Variants in TRIM33 observed in about 807,000 individuals in gnomAD.
The protein encoded by TRIM33 is E3 ubiquitin-protein ligase TRIM33.
A neutral mutation model predicts 125.4 loss-of-function variants in TRIM33; 20 were observed. The observed-to-expected ratio is 0.16, with a 90% CI of 0.11 to 0.23. The LOEUF (loss-of-function observed/expected upper bound fraction) is 0.23, where lower values mean the gene tolerates loss of function less well. Ranked by LOEUF, TRIM33 falls within the 10% of genes least tolerant of loss-of-function variation. The probability of loss-of-function intolerance (pLI) is 1.00; values close to 1 mark genes in which losing one functional copy is unlikely to be tolerated. For missense variants in TRIM33, 920 were observed against 1,411.4 expected, an observed-to-expected ratio of 0.65 and a Z score of 5.58; for synonymous variants, 564 against 513.9, an observed-to-expected ratio of 1.10 and a Z score of -1.32.
intron 11 of TRIM33, 55 bp from the exon 12 acceptor site, chr1:114,410,371 T>C (rs1652510668): frequency 6.5e-7 from 1 of 1,539,952 alleles, no homozygotes; most frequent in Non-Finnish European, 8.8e-7. Context: ...GAGAAGTTAT[T>C]AATTTTATGT....
chr1:114,396,561 C>CAT lies in TRIM33; in HGVS notation c.*1085_*1086dup. On this transcript the variant is annotated 3_prime_UTR_variant, in exon 20 of 20. Transcript: ENST00000358465. ...GAATGTGAACATTAGAAATAGACAG[C>CAT]ATATATTACAAATCCATTCTTGATA... is the stretch of plus-strand genomic sequence containing the variant. 1 of 198,340 alleles carries CAT rather than the reference C, an allele frequency of 5.0e-6. No homozygotes were observed. Among genetic ancestry groups the CAT allele is most frequent in the East Asian group, 7.8e-5 (1 of 12,778 alleles). 12.3% of individuals were successfully genotyped at this position (198,340 alleles called of 1,614,324 possible). A position where few individuals can be genotyped will look rare whatever the true frequency, so the allele number is the denominator to read the frequency against.
chr1:114,396,010 T>C lies in TRIM33; in HGVS notation c.*1638A>G, dbSNP rs1309461776. ...TTACGTGAAATAATTTTCTGAGTAG[T>C]CTACTCTCTGAACTGCTTAAATGAA... On this transcript the variant is annotated 3_prime_UTR_variant, in exon 20 of 20. Coordinates refer to ENST00000358465, the MANE Select transcript of TRIM33 (RefSeq NM_015906.4). The C allele has an allele frequency of 5.1e-6, 1 of 196,204 alleles. No homozygotes were observed. Among genetic ancestry groups the C allele is most frequent in the Non-Finnish European group, 1.1e-5 (1 of 94,490 alleles). The allele number at this position is 196,204 out of a possible 1,614,324, so 12.2% of individuals were successfully genotyped here. A position where few individuals can be genotyped will look rare whatever the true frequency, so the allele number is the denominator to read the frequency against.
chr1:114,402,661 T>C (rs1572008041), intron 16 of TRIM33, 99 bp downstream of exon 16: 1 of 1,332,110 alleles, frequency 7.5e-7, no homozygotes, highest in African/African-American at 1.5e-5. Flanking sequence ...AAATTAAATG[T>C]TATCAGGTTT....
chr1:114,430,192 T>C (rs1019401615), intron 6 of TRIM33, among the ~76,000 whole-genome samples: 31 of 151,968 alleles, frequency 2.0e-4, no homozygotes, highest in African/African-American at 7.5e-4. Flanking sequence ...AGAAATGTGG[T>C]GGGACTACTT....
At chr1:114,417,815 T>G (rs1653031693) in intron 11 of TRIM33, among the ~76,000 whole-genome samples, 1 of 152,058 alleles carries the variant, frequency 6.6e-6, no homozygotes, top group Non-Finnish European at 1.5e-5. Context: ...TGCACCACCA[T>G]GCCCGGCTAA....
At chr1:114,484,621 G>A (rs917579537) in intron 1 of TRIM33, among the ~76,000 whole-genome samples, 1 of 152,178 alleles carries the variant, frequency 6.6e-6, no homozygotes, top group African/African-American at 2.4e-5. Context: ...CTAGCACTTT[G>A]GGAGGCCGAG....
chr1:114,510,577 C>A lies in TRIM33; in HGVS notation c.500G>T (p.Gly167Val). The A allele has an allele frequency of 6.6e-7, 1 of 1,525,002 alleles. No individual in the cohort carries two copies. The highest frequency in any genetic ancestry group is 1.2e-5 in the South Asian group (1 of 82,382). The allele number at this position is 1,525,002 out of a possible 1,614,324, so 94.5% of individuals were successfully genotyped here. A position where few individuals can be genotyped will look rare whatever the true frequency, so the allele number is the denominator to read the frequency against. Residue 167 changes from glycine (G) to valine (V), a missense_variant, in exon 1 of 20, where the codon GGG (glycine) becomes GTG (valine). Around this residue, in one of 8 missense-constraint regions of TRIM33, gnomAD observed 75 missense variants for 123.9 expected, o/e 0.61. Transcript: ENST00000358465. ...TTGCTGGATGTCGCCGTTGCTGCCC[C>A]CCGGGATGGGCACGCTGAGCTGGCG... ...PERQLSVPIP[G>V]GSNGDIQQVG...
At chr1:114,442,094 A>C (rs1201597399) in intron 4 of TRIM33, among the ~76,000 whole-genome samples, 1 of 152,226 alleles carries the variant, frequency 6.6e-6, no homozygotes, top group Non-Finnish European at 1.5e-5. Context: ...AGGACAGAGC[A>C]CATTTTTTCA....
At chr1:114,454,262 C>T (rs545821313) in intron 4 of TRIM33, among the ~76,000 whole-genome samples, 3 of 152,128 alleles carry the variant, frequency 2.0e-5, no homozygotes, top group African/African-American at 7.2e-5. Flanking sequence ...GATGGGTACC[C>T]AGTCATGGTA....
chr1:114,436,400 CAAAAAAAAAA>C (rs765728045), intron 4 of TRIM33, among the ~76,000 whole-genome samples: 22 of 40,858 alleles, frequency 5.4e-4, no homozygotes, highest in Non-Finnish European at 8.7e-4. Context: ...GACTCTGTCT[CAAAAAAAAAA>C]AAAAAAAAAA....
Position 114,510,883 on chromosome 1 carries a change from C to A in TRIM33, c.194G>T (p.Gly65Val), listed in dbSNP as rs956535181. Residue 65 changes from glycine to valine, a missense_variant, in exon 1 of 20, where the codon GGG becomes GTG. This residue lies in a region of TRIM33 where 233 missense variants were observed against 189.6 expected (regional missense o/e 1.23). Coordinates refer to ENST00000358465, the MANE Select transcript of TRIM33 (RefSeq NM_015906.4). ...AEGGAAGPDD[G>V]GVAAASSGSA... The stretch of plus-strand genomic sequence containing the variant: ...GCCCGAGGAGGCCGCGGCCACCCCC[C>A]CGTCGTCGGGCCCGGCCGCGCCGCC... The A allele has an allele frequency of 2.8e-6, 4 of 1,450,898 alleles. No individual in the cohort carries two copies. Among genetic ancestry groups the A allele is most frequent in the South Asian group, 1.4e-5 (1 of 73,586 alleles). The allele number at this position is 1,450,898 out of a possible 1,614,324, so 89.9% of individuals were successfully genotyped here.
intron 15 of TRIM33, among the ~76,000 whole-genome samples, chr1:114,403,777 T>C (rs1417059151): frequency 6.6e-6 from 1 of 152,112 alleles, no homozygotes; most frequent in Non-Finnish European, 1.5e-5. Flanking sequence ...CTGCCTACCT[T>C]GGCCTCCCAA....
chr1:114,502,884 C>G (rs1442556092), intron 1 of TRIM33, among the ~76,000 whole-genome samples: 2 of 152,070 alleles, frequency 1.3e-5, no homozygotes, highest in African/African-American at 2.4e-5. Flanking sequence ...TAAAGAGTGT[C>G]ATTGTGATAC....
intron 4 of TRIM33, among the ~76,000 whole-genome samples, chr1:114,445,142 G>T (rs1351494174): frequency 1.3e-5 from 2 of 152,088 alleles, no homozygotes. Flanking sequence ...GAGAGGGAGA[G>T]AATAAATTCA....
chr1:114,406,424 G>T (rs892729910), intron 14 of TRIM33, among the ~76,000 whole-genome samples: 4 of 152,154 alleles, frequency 2.6e-5, no homozygotes, highest in Non-Finnish European at 5.9e-5. Context: ...TAAACCAAGA[G>T]GGGCTTGGCC....
chr1:114,408,681 C>A lies in TRIM33; in HGVS notation c.2254G>T (p.Gly752Cys). The change falls in exon 13 of 20, where the codon GGC becomes TGC. Residue 752 changes from glycine (G) to cysteine (C), a missense_variant. Transcript: ENST00000358465. Reference protein sequence around the residue: ...PPSTSSTGSRGSCGSSGRTAE... With the variant: ...PPSTSSTGSRCSCGSSGRTAE... Reference sequence around the variant, plus strand: ...AATAATTATCAATATACTCACCTGCCTCGACTGCCAGTACTAGAAGTACTT... The same window carrying A: ...AATAATTATCAATATACTCACCTGCATCGACTGCCAGTACTAGAAGTACTT... 6.3e-7 allele frequency: 1 copy of A among 1,596,130 alleles called. No individual in the cohort carries two copies. Among genetic ancestry groups the A allele is most frequent in the South Asian group, 1.1e-5 (1 of 89,244 alleles).
In TRIM33 at chr1:114,511,168, A is replaced by C. The variant is rs1276376848; in HGVS notation, c.-92T>G. ...CCCCAGCCCCAGCCGCAGCCGCAGC[A>C]AGAGCGGCAGCCGAGAGCTAGCGAG... On this transcript the variant is annotated 5_prime_UTR_variant, in exon 1 of 20. Coordinates refer to ENST00000358465, the MANE Select transcript of TRIM33 (RefSeq NM_015906.4). 5.8e-6 allele frequency: 6 copies of C among 1,036,298 alleles called. No individual in the cohort carries two copies. Among genetic ancestry groups the C allele is most frequent in the Non-Finnish European group, 7.0e-6 (6 of 861,104 alleles). The allele number at this position is 1,036,298 out of a possible 1,614,324, so 64.2% of individuals were successfully genotyped here.
intron 4 of TRIM33, among the ~76,000 whole-genome samples, chr1:114,448,358 G>A (rs1649118162): frequency 6.6e-6 from 1 of 152,184 alleles, no homozygotes; most frequent in Admixed American, 6.5e-5. Context: ...GGAAGCAAAT[G>A]CCAGTATTTC....
intron 1 of TRIM33, among the ~76,000 whole-genome samples, chr1:114,487,380 A>G (rs1413572470): frequency 1.3e-5 from 2 of 151,722 alleles, no homozygotes; most frequent in African/African-American, 2.4e-5. Flanking sequence ...ACATCATTCA[A>G]AGGCTGAAAG....
Sources: gnomAD v4.1 joint callset for allele counts (sites outside exome capture counted in the v4.1 genomes callset) on GRCh38, gnomAD v4.1.1 for gene constraint, gnomAD v4.1.1 regional missense constraint, MANE v1.5 for transcripts, NCBI Gene and HGNC (gene_info 2026-07-23, HGNC 2026-07-21) for gene names.